IQCM: variants seen among roughly 807,000 people sequenced by gnomAD.
IQCM encodes the protein IQ domain-containing protein M.
Under a neutral mutation model 57.6 loss-of-function variants are expected in IQCM, and 45 were observed. The observed-to-expected ratio is 0.78, with a 90% CI of 0.62 to 1.00. The LOEUF (loss-of-function observed/expected upper bound fraction) is 1.00, where lower values mean the gene tolerates loss of function less well. IQCM is among the 50% of genes least tolerant of loss of function. The pLI is 0.00. For synonymous variants in IQCM, 148 were observed against 158.9 expected (o/e 0.93, Z 0.51); for missense variants, 468 against 511.6 (o/e 0.91, Z 0.82).
intron 12 of IQCM, among the ~76,000 whole-genome samples, chr4:149,435,019 T>C (rs1217899421): frequency 6.6e-6 from 1 of 152,134 alleles, no homozygotes; most frequent in Non-Finnish European, 1.5e-5. Context: ...CACCATTCAC[T>C]GACTCCCCAT....
chr4:149,511,969 G>C (rs372919685), intron 12 of IQCM, among the ~76,000 whole-genome samples: 1 of 151,806 alleles, frequency 6.6e-6, no homozygotes, highest in South Asian at 2.1e-4. Flanking sequence ...CCTCCTTTGC[G>C]CCAGATACAT....
chr4:149,474,884 C>CA (rs1740012463), intron 12 of IQCM, among the ~76,000 whole-genome samples: 1 of 151,426 alleles, frequency 6.6e-6, no homozygotes, highest in Admixed American at 6.6e-5. Flanking sequence ...CCACGGTGTT[C>CA]AAAAAAACAG....
intron 12 of IQCM, among the ~76,000 whole-genome samples, chr4:149,438,521 C>T (rs1293154985): frequency 6.6e-6 from 1 of 152,000 alleles, no homozygotes; most frequent in African/African-American, 2.4e-5. Flanking sequence ...TGTCAGTGTT[C>T]AGTTAAAGCA....
chr4:149,627,016 T>C (rs1008901209), intron 7 of IQCM, among the ~76,000 whole-genome samples: 8 of 152,162 alleles, frequency 5.3e-5, no homozygotes, highest in African/African-American at 1.9e-4. Flanking sequence ...CCTACCTTCA[T>C]CTACCACAAT....
At chr4:149,535,033 T>C (rs540244843) in intron 12 of IQCM, among the ~76,000 whole-genome samples, 1 of 152,046 alleles carries the variant, frequency 6.6e-6, no homozygotes, top group African/African-American at 2.4e-5. Context: ...TATTGAGCAA[T>C]GCATAATGTA....
chr4:149,593,867 T>C (rs1402895847), intron 8 of IQCM, among the ~76,000 whole-genome samples: 1 of 152,144 alleles, frequency 6.6e-6, no homozygotes, highest in South Asian at 2.1e-4. Flanking sequence ...TTCAGTATTT[T>C]ATTGAGGATC....
chr4:149,605,187 G>A (rs1322186335), intron 8 of IQCM, among the ~76,000 whole-genome samples: 2 of 152,166 alleles, frequency 1.3e-5, no homozygotes, highest in African/African-American at 4.8e-5. Flanking sequence ...GGCTTCTACA[G>A]TACAGAAAGA....
At chr4:149,689,686 A>G (rs1233616092) in intron 5 of IQCM, among the ~76,000 whole-genome samples, 1 of 152,160 alleles carries the variant, frequency 6.6e-6, no homozygotes, top group East Asian at 1.9e-4. Context: ...GCATCTGACA[A>G]AGGACTAATA....
chr4:149,565,782 T>A (rs13121791), intron 9 of IQCM, among the ~76,000 whole-genome samples: 1 of 152,158 alleles, frequency 6.6e-6, no homozygotes, highest in Admixed American at 6.6e-5. Context: ...TCTCTTTGTG[T>A]CTATGTGTGT....
chr4:149,571,051 T>A (rs908272731), intron 9 of IQCM, among the ~76,000 whole-genome samples: 1 of 152,006 alleles, frequency 6.6e-6, no homozygotes, highest in Non-Finnish European at 1.5e-5. Context: ...TTGGTGGGAA[T>A]GTAAATTAGC....
chr4:149,363,101 T>G (rs1729604827), intron 13 of IQCM, among the ~76,000 whole-genome samples: 1 of 152,220 alleles, frequency 6.6e-6, no homozygotes, highest in Non-Finnish European at 1.5e-5. Context: ...GCTATCCTCT[T>G]AAACAATGTC....
intron 12 of IQCM, among the ~76,000 whole-genome samples, chr4:149,501,589 C>A (rs919553063): frequency 3.6e-4 from 55 of 151,552 alleles, no homozygotes; most frequent in African/African-American, 1.3e-3. Flanking sequence ...GAGGGTCCAC[C>A]AACAAAAAAA....
At chr4:149,417,261 A>T (rs1733809306) in intron 13 of IQCM, among the ~76,000 whole-genome samples, 2 of 152,168 alleles carry the variant, frequency 1.3e-5, no homozygotes, top group South Asian at 4.1e-4. Context: ...AACATTTGCC[A>T]CAGGCTGATC....
chr4:149,725,883 C>A (rs1339740505), intron 5 of IQCM, among the ~76,000 whole-genome samples: 3 of 152,044 alleles, frequency 2.0e-5, no homozygotes, highest in Non-Finnish European at 4.4e-5. Flanking sequence ...TTCTTGCTAT[C>A]TTCTGTACAT....
chr4:149,423,404 C>T (rs1734248305), intron 13 of IQCM, among the ~76,000 whole-genome samples: 1 of 151,958 alleles, frequency 6.6e-6, no homozygotes, highest in Admixed American at 6.6e-5. Flanking sequence ...ATTACAGGTT[C>T]CTCCCACGAC....
chr4:149,530,036 C>T (rs1746575067), intron 12 of IQCM, among the ~76,000 whole-genome samples: 2 of 152,260 alleles, frequency 1.3e-5, no homozygotes, highest in South Asian at 4.1e-4. Context: ...TGCCTTAGGA[C>T]TTGATCCTTC....
At chr4:149,648,732 A>G (rs1200023271) in intron 7 of IQCM, among the ~76,000 whole-genome samples, 1 of 151,986 alleles carries the variant, frequency 6.6e-6, no homozygotes, top group African/African-American at 2.4e-5. Flanking sequence ...GGAACATCAC[A>G]CACTGGGGCC....
chr4:149,455,225 G>A (rs1410389912), intron 12 of IQCM, among the ~76,000 whole-genome samples: 1 of 152,020 alleles, frequency 6.6e-6, no homozygotes, highest in Non-Finnish European at 1.5e-5. Context: ...ATCTTCCAAG[G>A]GAGATGAAGG....
chr4:149,687,361 C>T (rs1762619890), intron 5 of IQCM, among the ~76,000 whole-genome samples: 1 of 150,836 alleles, frequency 6.6e-6, no homozygotes. Context: ...TCTGCATCTG[C>T]AGATTCAACC....
Sources: allele counts gnomAD v4.1 joint callset (sites outside exome capture counted in the v4.1 genomes callset), GRCh38; gene constraint gnomAD v4.1.1; transcripts MANE v1.5; gene names NCBI Gene and HGNC (gene_info 2026-07-23, HGNC 2026-07-21).